TAF3: variants seen among roughly 807,000 people sequenced by gnomAD.
TAF3 encodes transcription initiation factor TFIID subunit 3.
Under a neutral mutation model 80.6 loss-of-function variants are expected in TAF3, and 7 were observed. The ratio of observed to expected loss-of-function variants is 0.09; its 90% CI spans 0.05 to 0.16. TAF3 has a LOEUF of 0.16. Ranked by LOEUF, TAF3 falls within the 10% of genes least tolerant of loss-of-function variation. The probability of loss-of-function intolerance (pLI) is 1.00; values close to 1 mark genes in which losing one functional copy is unlikely to be tolerated. For synonymous variants in TAF3, 444 were observed against 446.1 expected (o/e 1.00, Z 0.06); for missense variants, 921 against 1,140.2 (o/e 0.81, Z 2.77).
chr10:7,897,586 C>T (rs915892321), intron 2 of TAF3, among the ~76,000 whole-genome samples: 6 of 151,952 alleles, frequency 3.9e-5, no homozygotes, highest in Admixed American at 1.3e-4. Flanking sequence ...CCATACCCTT[C>T]GGTTCTTAGA....
At chr10:7,870,635 C>G (rs536416187) in intron 2 of TAF3, among the ~76,000 whole-genome samples, 1 of 152,152 alleles carries the variant, frequency 6.6e-6, no homozygotes, top group Non-Finnish European at 1.5e-5. Context: ...TCTACAGACT[C>G]CTGACTTGAG....
intron 2 of TAF3, among the ~76,000 whole-genome samples, chr10:7,886,119 G>C (rs1302745542): frequency 6.6e-6 from 1 of 151,908 alleles, no homozygotes; most frequent in Non-Finnish European, 1.5e-5. Context: ...AGATGTGGGG[G>C]GGTCTCACTA....
At chr10:7,889,355 G>A (rs950324330) in intron 2 of TAF3, among the ~76,000 whole-genome samples, 4 of 152,124 alleles carry the variant, frequency 2.6e-5, no homozygotes, top group Admixed American at 1.3e-4. Flanking sequence ...GCTCCATGCC[G>A]GGCACTGTTG....
At chr10:7,994,508 T>C (rs933017292) in intron 4 of TAF3, among the ~76,000 whole-genome samples, 2 of 152,132 alleles carry the variant, frequency 1.3e-5, no homozygotes, top group African/African-American at 4.8e-5. Context: ...CTGTTACGTA[T>C]TTATTTATTG....
At chr10:8,012,874 G>A (rs919393512) in intron 5 of TAF3, among the ~76,000 whole-genome samples, 1 of 152,130 alleles carries the variant, frequency 6.6e-6, no homozygotes, top group African/African-American at 2.4e-5. Flanking sequence ...AAAATAAACC[G>A]GATGCAATAA....
chr10:7,891,177 G>T (rs766607616), intron 2 of TAF3, among the ~76,000 whole-genome samples: 1 of 152,080 alleles, frequency 6.6e-6, no homozygotes, highest in Non-Finnish European at 1.5e-5. Flanking sequence ...TTGGTTGCTG[G>T]TATAATTATT....
chr10:7,846,246 T>C (rs559823748), intron 2 of TAF3, among the ~76,000 whole-genome samples: 38 of 152,296 alleles, frequency 2.5e-4, no homozygotes, highest in Middle Eastern at 3.4e-3. Flanking sequence ...CATGAGCCAC[T>C]GCGCCCGGCC....
At chr10:7,932,350 G>C (rs1248550004) in intron 2 of TAF3, among the ~76,000 whole-genome samples, 1 of 152,178 alleles carries the variant, frequency 6.6e-6, no homozygotes, top group African/African-American at 2.4e-5. Context: ...ACCACAGAGA[G>C]GGAATGGCAT....
chr10:7,981,831 A>G (rs1435940338), intron 4 of TAF3, among the ~76,000 whole-genome samples: 1 of 152,122 alleles, frequency 6.6e-6, no homozygotes, highest in African/African-American at 2.4e-5. Flanking sequence ...GGGCTTTTTA[A>G]TACTTGTAAT....
Position 7,929,255 on chromosome 10 carries a change from T to G in TAF3, c.410-34665T>G, listed in dbSNP as rs554267538. Among the ~76,000 whole-genome samples the G allele has an allele frequency of 5.9e-3, 644 of 108,240 alleles. 4 individuals carry two copies. Among genetic ancestry groups the G allele is most frequent in the African/African-American group, 0.016 (583 of 36,344 alleles). The allele number at this position is 108,240 out of a possible 152,430, so 71.0% of individuals were successfully genotyped here. A position where few individuals can be genotyped will look rare whatever the true frequency, so the allele number is the denominator to read the frequency against. ...ATTGAGAGAAGTAGTTTATTTTTTT[T>G]GTTGTTTTTTTTTTGGTAATAGTCT... is the stretch of plus-strand genomic sequence containing the variant. On this transcript the variant is annotated intron_variant, in intron 2 of 6. Coordinates refer to ENST00000344293, the MANE Select transcript of TAF3 (RefSeq NM_031923.4).
intron 2 of TAF3, among the ~76,000 whole-genome samples, chr10:7,830,568 C>T (rs1028932456): frequency 1.5e-5 from 2 of 135,640 alleles, no homozygotes; most frequent in African/African-American, 5.4e-5. Flanking sequence ...ACTGCAAACT[C>T]CACCTCCTGG....
intron 4 of TAF3, among the ~76,000 whole-genome samples, chr10:7,999,886 C>T (rs921976311): frequency 6.6e-6 from 1 of 152,122 alleles, no homozygotes; most frequent in Non-Finnish European, 1.5e-5. Context: ...TTGTGCAGCT[C>T]CTTGATCTCA....
intron 4 of TAF3, among the ~76,000 whole-genome samples, chr10:7,992,941 T>G (rs1831848466): frequency 6.6e-6 from 1 of 152,218 alleles, no homozygotes; most frequent in African/African-American, 2.4e-5. Context: ...CTCTATATTC[T>G]TCAGTATGCA....
rs1446841109 is a variant in TAF3, at chr10:7,932,552, CA to C, written c.410-31365del. On this transcript the variant is annotated intron_variant, in intron 2 of 6. Coordinates refer to ENST00000344293, the MANE Select transcript of TAF3 (RefSeq NM_031923.4). ...GAGTAACCAGAATCACCAGTCAAAA[CA>C]AAGCATTCCTGTATTCTCTAACTTG... 5.3e-5 allele frequency among the ~76,000 whole-genome samples: 8 copies of C among 151,936 alleles called. No homozygotes were observed. The East Asian group carries it at 1.6e-3, about 29-fold the overall frequency.
intron 2 of TAF3, among the ~76,000 whole-genome samples, chr10:7,830,638 T>C (rs1452675100): frequency 1.3e-5 from 2 of 151,860 alleles, no homozygotes; most frequent in Admixed American, 6.6e-5. Flanking sequence ...TGCATGCCAC[T>C]GTGGCTGGCT....
At chr10:7,917,707 T>TAACA (rs959240885) in intron 2 of TAF3, among the ~76,000 whole-genome samples, 9 of 152,168 alleles carry the variant, frequency 5.9e-5, no homozygotes, top group African/African-American at 2.2e-4. Context: ...CGTGAAAGCC[T>TAACA]AACAAGCAGT....
intron 2 of TAF3, among the ~76,000 whole-genome samples, chr10:7,836,320 C>T (rs1446634751): frequency 1.4e-5 from 2 of 148,134 alleles, no homozygotes; most frequent in Middle Eastern, 3.5e-3. Context: ...GACGGAGTTT[C>T]GCTCTTGTTG....
At chr10:7,922,701 G>A (rs1837775699) in intron 2 of TAF3, among the ~76,000 whole-genome samples, 1 of 152,024 alleles carries the variant, frequency 6.6e-6, no homozygotes, top group Non-Finnish European at 1.5e-5. Context: ...TTATTACTAA[G>A]TTATTGGTGT....
chr10:7,922,037 G>A (rs1029153133), intron 2 of TAF3, among the ~76,000 whole-genome samples: 1 of 152,048 alleles, frequency 6.6e-6, no homozygotes, highest in Admixed American at 6.5e-5. Context: ...AATAGATTAT[G>A]TTCGTATTTG....
Sources: gnomAD v4.1 joint callset for allele counts (sites outside exome capture counted in the v4.1 genomes callset) on GRCh38, gnomAD v4.1.1 for gene constraint, MANE v1.5 for transcripts, NCBI Gene and HGNC (gene_info 2026-07-23, HGNC 2026-07-21) for gene names.